PIBF1: variants seen among roughly 807,000 people sequenced by gnomAD.
The protein encoded by PIBF1 is progesterone immunomodulatory binding factor 1, also known as progesterone-induced-blocking factor 1.
PIBF1 carries 90 observed loss-of-function variants against 112.5 expected under a neutral mutation model. The observed-to-expected ratio is 0.80, with a 90% CI of 0.67 to 0.95. The LOEUF (loss-of-function observed/expected upper bound fraction) is 0.95, where lower values mean the gene tolerates loss of function less well. Among genes scored for constraint, PIBF1 ranks in the 40% least tolerant of loss-of-function variants. The pLI, the probability that PIBF1 is intolerant of heterozygous loss-of-function variation, is 0.00. For synonymous variants in PIBF1, 301 were observed against 288.6 expected, an observed-to-expected ratio of 1.04 and a Z score of -0.44; for missense variants, 915 against 852.3, an observed-to-expected ratio of 1.07 and a Z score of -0.92.
chr13:72,985,933 T>G (rs554158880), intron 16 of PIBF1, among the ~76,000 whole-genome samples: 33 of 152,232 alleles, frequency 2.2e-4, no homozygotes, highest in South Asian at 4.1e-4. Context: ...AAGGATTGCT[T>G]GGAGCCCAGG....
intron 6 of PIBF1, among the ~76,000 whole-genome samples, chr13:72,822,401 C>T (rs1293585219): frequency 6.6e-6 from 1 of 151,870 alleles, no homozygotes; most frequent in Non-Finnish European, 1.5e-5. Context: ...ATATTTGCTA[C>T]TTATAGCAAA....
intron 6 of PIBF1, among the ~76,000 whole-genome samples, chr13:72,825,301 A>C (rs1219436846): frequency 6.6e-6 from 1 of 152,218 alleles, no homozygotes; most frequent in Admixed American, 6.5e-5. Context: ...TACTGTGATT[A>C]TATAAGAGAC....
chr13:72,968,340 A>T (rs2042802268), intron 15 of PIBF1, among the ~76,000 whole-genome samples: 1 of 150,710 alleles, frequency 6.6e-6, no homozygotes, highest in African/African-American at 2.4e-5. Flanking sequence ...CACTCTTGTC[A>T]CCCAGACTGG....
At chr13:72,824,648 ATAT>A (rs1489264380) in intron 6 of PIBF1, among the ~76,000 whole-genome samples, 2 of 152,224 alleles carry the variant, frequency 1.3e-5, no homozygotes, top group African/African-American at 2.4e-5. Flanking sequence ...CCGCATAATA[ATAT>A]TGATTCAGAA....
chr13:72,893,118 G>C lies in PIBF1; in HGVS notation c.1323-666G>C, dbSNP rs182792659. 1.3e-4 allele frequency among the ~76,000 whole-genome samples: 20 copies of C among 152,102 alleles called. No homozygotes were observed. In the East Asian group the frequency reaches 3.9e-3, roughly 29 times the overall value. ...CAGTGTATGTGTATTTTGCTTTTCT[G>C]TTAGAACACAATCAACCTTAAGTAT... On this transcript the variant is annotated intron_variant, in intron 10 of 17. Coordinates refer to ENST00000326291, the MANE Select transcript of PIBF1 (RefSeq NM_006346.4).
chr13:72,908,773 G>GCATGAGC, intron 12 of PIBF1, 92 bp downstream of exon 12: 1 of 1,177,434 alleles, frequency 8.5e-7, no homozygotes, highest in Non-Finnish European at 1.2e-6. Context: ...TTGGGATCAG[G>GCATGAGC]CACGGTGGCT....
chr13:72,851,231 G>T (rs779283626), intron 9 of PIBF1, among the ~76,000 whole-genome samples: 14 of 152,202 alleles, frequency 9.2e-5, no homozygotes, highest in Non-Finnish European at 1.8e-4. Context: ...AGCTGCAGTG[G>T]CCCAGTCGCA....
chr13:72,809,979 C>T lies in PIBF1; in HGVS notation c.673-11870C>T, dbSNP rs77960591. 4.8e-3 allele frequency among the ~76,000 whole-genome samples: 733 copies of T among 152,150 alleles called. 4 individuals are homozygous for T. Among genetic ancestry groups the T allele is most frequent in the African/African-American group, 0.016 (667 of 41,510 alleles). ...TGGGATTTCCTTTTGTAATTTTTTC[C>T]AGATCTTTAGTTATTTGCAAATAAC... On this transcript the variant is annotated intron_variant, in intron 5 of 17. Transcript: ENST00000326291.
chr13:72,872,797 G>A (rs1243665588), intron 10 of PIBF1, among the ~76,000 whole-genome samples: 8 of 152,006 alleles, frequency 5.3e-5, no homozygotes, highest in African/African-American at 1.7e-4. Flanking sequence ...GTATGTTAGC[G>A]CTATACATTT....
intron 9 of PIBF1, among the ~76,000 whole-genome samples, chr13:72,839,939 T>TCCTGGGATTGGGGCTGCCCTGTGGATG (rs1364295442): frequency 3.9e-5 from 6 of 152,116 alleles, no homozygotes; most frequent in African/African-American, 1.4e-4. Context: ...ACCAGGGGAT[T>TCCTGGGATTGGGGCTGCCCTGTGGATG]CCTGGGATTG....
chr13:72,964,363 T>G lies in PIBF1; in HGVS notation c.1834-911T>G, dbSNP rs533813712. Reference sequence around the variant, plus strand: ...AAATGGGGAGTTTTTGTTTAATGGGTACAGAGTTTCCATATGGGCTGATGG... The same window carrying G: ...AAATGGGGAGTTTTTGTTTAATGGGGACAGAGTTTCCATATGGGCTGATGG... On this transcript the variant is annotated intron_variant, in intron 14 of 17. Transcript: ENST00000326291. 3.6e-3 allele frequency among the ~76,000 whole-genome samples: 555 copies of G among 152,296 alleles called. 3 individuals carry two copies. The highest frequency in any genetic ancestry group is 0.012 in the African/African-American group (511 of 41,568).
At chr13:72,881,513 T>G (rs900181372) in intron 10 of PIBF1, among the ~76,000 whole-genome samples, 1 of 151,888 alleles carries the variant, frequency 6.6e-6, no homozygotes, top group African/African-American at 2.4e-5. Flanking sequence ...GTCAGGAGTT[T>G]GAGACCAGCC....
chr13:72,783,229 G>T (rs1301420456), intron 1 of PIBF1, among the ~76,000 whole-genome samples, 194 bp from the exon 2 acceptor site: 1 of 151,870 alleles, frequency 6.6e-6, no homozygotes, highest in East Asian at 1.9e-4. Flanking sequence ...TAAGTTTCTC[G>T]AAGGCTGACT....
intron 2 of PIBF1, among the ~76,000 whole-genome samples, chr13:72,790,508 CACAT>C (rs2034857100): frequency 7.6e-6 from 1 of 132,320 alleles, no homozygotes; most frequent in East Asian, 2.3e-4. Context: ...ATCACACACA[CACAT>C]AGATAGATAG....
At chr13:72,928,196 C>G (rs2041590838) in intron 13 of PIBF1, among the ~76,000 whole-genome samples, 2 of 151,464 alleles carry the variant, frequency 1.3e-5, no homozygotes, top group African/African-American at 4.9e-5. Flanking sequence ...CATCAACAGT[C>G]ATACTAATAC....
chr13:72,809,132 CTTTTTTTT>C (rs35219701), intron 5 of PIBF1, among the ~76,000 whole-genome samples: 2 of 74,854 alleles, frequency 2.7e-5, no homozygotes, highest in Non-Finnish European at 4.8e-5. Flanking sequence ...GTATATGTCC[CTTTTTTTT>C]TTTTTTTTTT....
At chr13:72,792,711 A>G (rs909903315) in intron 3 of PIBF1, among the ~76,000 whole-genome samples, 164 bp downstream of exon 3, 2 of 152,246 alleles carry the variant, frequency 1.3e-5, no homozygotes, top group African/African-American at 4.8e-5. Context: ...GATACTTGAT[A>G]TGGTACATAA....
chr13:72,790,421 T>TCACACACACACACACACACA (rs57599910), intron 2 of PIBF1, among the ~76,000 whole-genome samples: 4 of 135,642 alleles, frequency 2.9e-5, no homozygotes, highest in African/African-American at 5.8e-5. Context: ...GAGGAGTCCA[T>TCACACACACACACACACACA]CACACACACA....
At chr13:72,952,641 T>G (rs992142120) in intron 14 of PIBF1, among the ~76,000 whole-genome samples, 4 of 151,788 alleles carry the variant, frequency 2.6e-5, no homozygotes, top group African/African-American at 4.8e-5. Context: ...TGAGTTTTTT[T>G]TTTTTTTAGT....
Sources: gnomAD v4.1 joint callset for allele counts (sites outside exome capture counted in the v4.1 genomes callset) on GRCh38, gnomAD v4.1.1 for gene constraint, MANE v1.5 for transcripts, NCBI Gene and HGNC (gene_info 2026-07-23, HGNC 2026-07-21) for gene names.